The following CHODL variants were observed in gnomAD, a reference collection of about 807,000 sequenced individuals.
CHODL encodes chondrolectin, also known as transmembrane protein MT75.
CHODL carries 29 observed loss-of-function variants against 34.5 expected under a neutral mutation model. The observed-to-expected ratio is 0.84, with a 90% CI of 0.63 to 1.15. The LOEUF (loss-of-function observed/expected upper bound fraction) is 1.15. Ranked by LOEUF, CHODL falls within the 50% of genes most tolerant of loss-of-function variation. The pLI is 0.00. For missense variants in CHODL, 332 were observed against 332.5 expected (o/e 1.00, Z 0.01); for synonymous variants, 125 against 116.1 (o/e 1.08, Z -0.49).
chr21:18,044,363 C>T (rs1403349585), intron 2 of CHODL, among the ~76,000 whole-genome samples: 2 of 151,862 alleles, frequency 1.3e-5, no homozygotes, highest in Non-Finnish European at 2.9e-5. Context: ...ATTAATTTTT[C>T]TTCAGTTAGG....
chr21:18,128,344 A>G (rs138658196), intron 2 of CHODL, among the ~76,000 whole-genome samples: 1,770 of 133,648 alleles, frequency 0.013, 56 homozygotes, highest in African/African-American at 0.046. Flanking sequence ...AAAAAAAAGA[A>G]GAAGAAGAAG....
intron 2 of CHODL, among the ~76,000 whole-genome samples, chr21:18,100,237 T>C (rs946502542): frequency 6.6e-6 from 1 of 152,304 alleles, no homozygotes; most frequent in African/African-American, 2.4e-5. Flanking sequence ...TGTGGAAAGA[T>C]ACATTGTCAA....
chr21:18,248,926 T>TATA (rs1309815018), intron 1 of CHODL, among the ~76,000 whole-genome samples: 1 of 114,058 alleles, frequency 8.8e-6, no homozygotes, highest in African/African-American at 3.9e-5. Context: ...CATATATATG[T>TATA]ATACATATAT....
At chr21:18,030,084 ATCT>A (rs1379148925) in intron 2 of CHODL, among the ~76,000 whole-genome samples, 6 of 152,048 alleles carry the variant, frequency 3.9e-5, no homozygotes, top group East Asian at 1.9e-4. Context: ...CCCTCGAGTA[ATCT>A]TCTCTCTTTG....
rs71318119 is a variant in CHODL, at chr21:17,976,270, G to GAAA, written c.-144-51576_-144-51574dup. ...TGGGTGACACAGTGAGACCATCTCAGAAAAAAAAAAAAAAAAAAAAAAAAA... is the reference window on the plus strand; with the variant it reads ...TGGGTGACACAGTGAGACCATCTCAGAAAAAAAAAAAAAAAAAAAAAAAAAAAA... On this transcript the variant is annotated intron_variant, in intron 1 of 6. Transcript: ENST00000400127. Among the ~76,000 whole-genome samples, 262 of 66,504 alleles carry GAAA rather than the reference G, an allele frequency of 3.9e-3. 31 individuals carry two copies. The highest frequency in any genetic ancestry group is 5.1e-3 in the Non-Finnish European group (157 of 30,874). The allele number at this position is 66,504 out of a possible 152,430, so 43.6% of individuals were successfully genotyped here.
chr21:18,216,609 C>T (rs1392698881), intron 2 of CHODL, among the ~76,000 whole-genome samples: 4 of 152,082 alleles, frequency 2.6e-5, no homozygotes, highest in Non-Finnish European at 4.4e-5. Flanking sequence ...AAATGACAAG[C>T]GTATTAGTCA....
chr21:18,164,787 A>G (rs2073133899), intron 2 of CHODL, among the ~76,000 whole-genome samples: 1 of 152,132 alleles, frequency 6.6e-6, no homozygotes, highest in Non-Finnish European at 1.5e-5. Context: ...AGCTAAAACA[A>G]AACTGTCGAT....
chr21:18,088,474 G>C (rs1238206654), intron 2 of CHODL, among the ~76,000 whole-genome samples: 2 of 152,190 alleles, frequency 1.3e-5, no homozygotes, highest in Non-Finnish European at 2.9e-5. Flanking sequence ...AGCAACATCT[G>C]TGTGCAATCT....
intron 2 of CHODL, among the ~76,000 whole-genome samples, chr21:18,139,096 T>C (rs1259605998): frequency 3.9e-5 from 6 of 152,130 alleles, no homozygotes; most frequent in Non-Finnish European, 1.5e-5. Context: ...CCTATGAGTA[T>C]GTTTGTGAAT....
chr21:18,247,431 C>T (rs1233653100), intron 1 of CHODL, among the ~76,000 whole-genome samples: 1 of 152,088 alleles, frequency 6.6e-6, no homozygotes, highest in Non-Finnish European at 1.5e-5. Context: ...CAAAATAATT[C>T]TCCACATAAA....
chr21:18,098,807 A>T (rs899886045), intron 2 of CHODL, among the ~76,000 whole-genome samples: 3 of 152,146 alleles, frequency 2.0e-5, no homozygotes, highest in African/African-American at 7.2e-5. Flanking sequence ...CACAGTAGCC[A>T]AGACTTGGAA....
At chr21:18,122,309 A>G (rs1446323918) in intron 2 of CHODL, among the ~76,000 whole-genome samples, 1 of 152,194 alleles carries the variant, frequency 6.6e-6, no homozygotes, top group African/African-American at 2.4e-5. Flanking sequence ...ATCTTTTAAT[A>G]TTATATACTT....
chr21:17,962,094 C>CA (rs1204006991), intron 1 of CHODL, among the ~76,000 whole-genome samples: 15 of 152,106 alleles, frequency 9.9e-5, no homozygotes, highest in Admixed American at 9.8e-4. Flanking sequence ...TGGATTACAC[C>CA]AGAAGTCAGG....
At chr21:17,970,212 G>A (rs2146361496) in intron 1 of CHODL, among the ~76,000 whole-genome samples, 1 of 152,276 alleles carries the variant, frequency 6.6e-6, no homozygotes, top group South Asian at 2.1e-4. Flanking sequence ...GGTGGTGGGA[G>A]TTTGGGAGCA....
intron 2 of CHODL, among the ~76,000 whole-genome samples, chr21:18,086,906 G>A (rs1027382975): frequency 2.6e-5 from 4 of 152,162 alleles, no homozygotes; most frequent in Admixed American, 6.5e-5. Flanking sequence ...AGACCCTTGG[G>A]CAGCTGGTGT....
intron 3 of CHODL, 63 bp from the exon 4 acceptor site, chr21:18,260,137 T>C (rs529709556): frequency 6.2e-6 from 4 of 648,044 alleles, no homozygotes; most frequent in African/African-American, 3.8e-5. Flanking sequence ...ATTTCATATT[T>C]ATATATATTT....
chr21:17,937,405 T>C (rs898730216), intron 1 of CHODL, among the ~76,000 whole-genome samples: 5 of 152,230 alleles, frequency 3.3e-5, no homozygotes, highest in Admixed American at 1.3e-4. Context: ...CTTCTCTCAG[T>C]AGTGTTCAGT....
intron 1 of CHODL, among the ~76,000 whole-genome samples, chr21:18,013,496 T>A (rs952911387): frequency 5.9e-5 from 9 of 152,112 alleles, no homozygotes; most frequent in Non-Finnish European, 1.2e-4. Flanking sequence ...AGGGGTAATC[T>A]CTGCCTACTT....
chr21:17,986,125 C>T (rs1169606060), intron 1 of CHODL, among the ~76,000 whole-genome samples: 2 of 152,012 alleles, frequency 1.3e-5, no homozygotes, highest in East Asian at 3.8e-4. Context: ...CCCAGTAGTA[C>T]TTAATTTTTT....
Sources: allele counts gnomAD v4.1 joint callset (sites outside exome capture counted in the v4.1 genomes callset), GRCh38; gene constraint gnomAD v4.1.1; transcripts MANE v1.5; gene names NCBI Gene and HGNC (gene_info 2026-07-23, HGNC 2026-07-21).